Variants in CAT observed in about 807,000 individuals in gnomAD.
The protein encoded by CAT is epididymis secretory sperm binding protein.
CAT carries 43 observed loss-of-function variants against 59.0 expected under a neutral mutation model. The observed-to-expected ratio is 0.73, with a 90% CI of 0.57 to 0.94. CAT has a LOEUF of 0.94. Among genes scored for constraint, CAT ranks in the 40% least tolerant of loss-of-function variants. CAT has a pLI of 0.00. For missense variants in CAT, 664 were observed against 682.9 expected (o/e 0.97, Z 0.31); for synonymous variants, 218 against 230.9 (o/e 0.94, Z 0.51).
At chr11:34,462,036 CT>C (rs1305245197) in intron 9 of CAT, among the ~76,000 whole-genome samples, 2 of 152,084 alleles carry the variant, frequency 1.3e-5, no homozygotes, top group Non-Finnish European at 2.9e-5. Flanking sequence ...GGATCTTTTT[CT>C]TTTAACTACT....
At chr11:34,456,642 TG>T in intron 7 of CAT, 22 bp from the exon 8 acceptor site, 5 of 1,611,178 alleles carry the variant, frequency 3.1e-6, no homozygotes, top group Non-Finnish European at 4.2e-6. Flanking sequence ...GCCTGGTAAT[TG>T]TGAATATGAC....
chr11:34,439,279 G>A (rs565118068), intron 1 of CAT, among the ~76,000 whole-genome samples, 200 bp downstream of exon 1: 3 of 152,208 alleles, frequency 2.0e-5, no homozygotes, highest in Non-Finnish European at 4.4e-5. Flanking sequence ...TGGGGCGCGG[G>A]ACTGCAGGCT....
intron 1 of CAT, among the ~76,000 whole-genome samples, chr11:34,445,228 G>A (rs1032441434): frequency 1.3e-5 from 2 of 151,986 alleles, no homozygotes; most frequent in Non-Finnish European, 1.5e-5. Context: ...GGTGGCTCAC[G>A]CCTATAATCC....
chr11:34,441,927 A>C (rs917852530), intron 1 of CAT, among the ~76,000 whole-genome samples: 1 of 152,236 alleles, frequency 6.6e-6, no homozygotes, highest in Non-Finnish European at 1.5e-5. Context: ...GTGTTATGAG[A>C]AACTGCTGAG....
chr11:34,462,549 G>A lies in CAT; in HGVS notation c.1195+1160G>A, dbSNP rs564861785. ...AGAGATTCTCATGCCTCAGCCTCCC[G>A]AGTAGCTGGAAGTATAGGAGTGTGC... is the stretch of plus-strand genomic sequence containing the variant. On this transcript the variant is annotated intron_variant, in intron 9 of 12. Transcript: ENST00000241052. Among the ~76,000 whole-genome samples, 8 of 152,196 alleles carry A rather than the reference G, an allele frequency of 5.3e-5. No individual in the cohort carries two copies. In the South Asian group the frequency reaches 6.2e-4, roughly 12 times the overall value.
chr11:34,457,089 A>T, intron 8 of CAT: 2 of 450,612 alleles, frequency 4.4e-6, no homozygotes, highest in Non-Finnish European at 8.0e-6. Flanking sequence ...AAAAAAAAAG[A>T]CATAATAGAA....
rs200680821 is a variant in CAT at position 34,461,419 on chromosome 11, C to T, written c.1195+30C>T. 44 of 1,613,672 alleles carry T rather than the reference C, an allele frequency of 2.7e-5. No individual in the cohort carries two copies. In the East Asian group the frequency reaches 3.8e-4, roughly 14 times the overall value. On this transcript the variant is annotated intron_variant, in intron 9 of 12. Coordinates refer to ENST00000241052, the MANE Select transcript of CAT (RefSeq NM_001752.4). ...GCCTAAAGACGTTGGGCTCCCCCTG[C>T]GTGGGCAGAGGGCACGTGGAGCAGA...
chr11:34,450,765 C>T lies in CAT; in HGVS notation c.239-223C>T, dbSNP rs371942988. Among the ~76,000 whole-genome samples the T allele has an allele frequency of 3.3e-5, 5 of 152,308 alleles. 1 individual carries two copies. In the East Asian group the frequency reaches 9.6e-4, roughly 29 times the overall value. ...AGCCTCACTCACCTCCTTCTCTTGGCTCCAGCTATGTGGCATTCGACTTAG... is the reference window on the plus strand; with the variant it reads ...AGCCTCACTCACCTCCTTCTCTTGGTTCCAGCTATGTGGCATTCGACTTAG... On this transcript the variant is annotated intron_variant, in intron 2 of 12. Coordinates refer to ENST00000241052, the MANE Select transcript of CAT (RefSeq NM_001752.4).
intron 10 of CAT, among the ~76,000 whole-genome samples, chr11:34,466,454 A>G (rs1564966833): frequency 6.6e-6 from 1 of 152,196 alleles, no homozygotes; most frequent in Non-Finnish European, 1.5e-5. Context: ...TGTCAGATAC[A>G]GGTTTTAAAA....
intron 10 of CAT, among the ~76,000 whole-genome samples, chr11:34,466,616 A>T (rs1420534161): frequency 6.6e-6 from 1 of 151,848 alleles, no homozygotes; most frequent in East Asian, 1.9e-4. Context: ...TCTCTACTAA[A>T]AATACAAAAA....
chr11:34,470,989 A>G lies in CAT; in HGVS notation c.1466A>G (p.Tyr489Cys). The G allele has an allele frequency of 1.2e-6, 2 of 1,614,180 alleles. No homozygotes were observed. The highest frequency in any genetic ancestry group is 8.5e-7 in the Non-Finnish European group (1 of 1,180,016). ...AACTTCACTGAGGTCCACCCTGACT[A>G]CGGGAGCCACATCCAGGCTCTTCTG... is the stretch of plus-strand genomic sequence containing the variant. ...VKNFTEVHPD[Y>C]GSHIQALLDK... is the part of the protein sequence containing the mutation. The change falls in exon 12 of 13, where the codon TAC (tyrosine) becomes TGC (cysteine). Residue 489 changes from tyrosine (Y) to cysteine (C), a missense_variant. Physicochemically the swap from Tyr to Cys is radical, Grantham distance 194. Coordinates refer to ENST00000241052, the MANE Select transcript of CAT (RefSeq NM_001752.4).
chr11:34,464,306 C>T, intron 10 of CAT, 71 bp downstream of exon 10: 2 of 1,445,710 alleles, frequency 1.4e-6, no homozygotes, highest in East Asian at 2.3e-5. Context: ...CATAATCCCC[C>T]TCCCTGCAAA....
chr11:34,467,563 C>T (rs527336265), intron 10 of CAT, among the ~76,000 whole-genome samples: 43 of 152,238 alleles, frequency 2.8e-4, no homozygotes, highest in African/African-American at 1.0e-3. Flanking sequence ...GCACGTAGAA[C>T]AGAGTCTCGC....
chr11:34,445,237 C>T (rs1221657378), intron 1 of CAT, among the ~76,000 whole-genome samples: 1 of 151,938 alleles, frequency 6.6e-6, no homozygotes, highest in East Asian at 1.9e-4. Context: ...CGCCTATAAT[C>T]CCAGCACTTT....
At chr11:34,445,525 A>AAAAC (rs1416202625) in intron 1 of CAT, among the ~76,000 whole-genome samples, 1 of 150,994 alleles carries the variant, frequency 6.6e-6, no homozygotes, top group African/African-American at 2.4e-5. Flanking sequence ...AAAAAAAAGA[A>AAAAC]AAACAGTGAC....
intron 8 of CAT, among the ~76,000 whole-genome samples, chr11:34,457,678 A>G (rs566488168): frequency 2.0e-5 from 3 of 152,268 alleles, no homozygotes; most frequent in East Asian, 3.9e-4. Context: ...TATCTCTTTC[A>G]AGAGTACCAA....
intron 11 of CAT, 70 bp downstream of exon 11, chr11:34,468,465 C>T: frequency 9.0e-7 from 1 of 1,109,412 alleles, no homozygotes; most frequent in Non-Finnish European, 1.4e-6. Context: ...TGGGAGAACC[C>T]TAAAAAGAAA....
Position 34,464,100 on chromosome 11 carries a change from T to C in CAT, c.1196-5T>C. On this transcript the variant is annotated splice_polypyrimidine_tract_variant and splice_region_variant and intron_variant, in intron 9 of 12. Coordinates refer to ENST00000241052, the MANE Select transcript of CAT (RefSeq NM_001752.4). ...TAAGTGCATCTGGGTGGTTTTGTTTTGAAGGTGGTGCTCCAAATTACTACC... is the reference window on the plus strand; with the variant it reads ...TAAGTGCATCTGGGTGGTTTTGTTTCGAAGGTGGTGCTCCAAATTACTACC... 6.2e-7 allele frequency: 1 copy of C among 1,614,228 alleles called. No individual in the cohort carries two copies. Among genetic ancestry groups the C allele is most frequent in the Non-Finnish European group, 8.5e-7 (1 of 1,180,026 alleles).
intron 11 of CAT, chr11:34,468,637 A>C (rs1856744833): frequency 3.5e-6 from 2 of 574,144 alleles, no homozygotes; most frequent in African/African-American, 3.7e-5. Flanking sequence ...AGTTGTGTTC[A>C]GACTGAATTT....
Sources: gnomAD v4.1 joint callset for allele counts (sites outside exome capture counted in the v4.1 genomes callset) on GRCh38, gnomAD v4.1.1 for gene constraint, MANE v1.5 for transcripts, NCBI Gene and HGNC (gene_info 2026-07-23, HGNC 2026-07-21) for gene names.